The following CACNA1C variants were observed in gnomAD, a reference collection of about 807,000 sequenced individuals.
CACNA1C encodes the protein calcium voltage-gated channel subunit alpha1 C.
Under a neutral mutation model 229.0 loss-of-function variants are expected in CACNA1C, and 30 were observed. That is an observed-to-expected ratio of 0.13 (90% CI 0.10 to 0.18). The LOEUF (loss-of-function observed/expected upper bound fraction) is 0.18, where lower values mean the gene tolerates loss of function less well. CACNA1C is among the 10% of genes least tolerant of loss of function. The probability of loss-of-function intolerance (pLI) is 1.00; values close to 1 mark genes in which losing one functional copy is unlikely to be tolerated. For synonymous variants in CACNA1C, 1,114 were observed against 1,132.5 expected, an observed-to-expected ratio of 0.98 and a Z score of 0.33; for missense variants, 1,658 against 2,845.0, an observed-to-expected ratio of 0.58 and a Z score of 9.49.
chr12:2,633,663 TC>T lies in CACNA1C; in HGVS notation c.3829-632del. The T allele has an allele frequency of 6.2e-7, 1 of 1,611,270 alleles. No homozygotes were observed. The highest frequency in any genetic ancestry group is 8.5e-7 in the Non-Finnish European group (1 of 1,177,416). ...AGTGATCCCTGGAATGTTTTTGACT[TC>T]CTCATCGTAATTGGCAGCATAATTG... On this transcript the variant is annotated intron_variant, in intron 29 of 46. Transcript: ENST00000399655. The surrounding 1 kb of genome is among the most constrained non-coding windows in gnomAD (Gnocchi z 5.8).
chr12:2,230,460 AAG>A (rs1025913952), intron 3 of CACNA1C, among the ~76,000 whole-genome samples: 21 of 152,220 alleles, frequency 1.4e-4, no homozygotes, highest in Admixed American at 2.0e-4. Flanking sequence ...ACCCCTCAGG[AAG>A]AGACTGAGAA....
intron 1 of CACNA1C, among the ~76,000 whole-genome samples, chr12:2,024,863 C>T (rs2047041586): frequency 6.6e-6 from 1 of 152,238 alleles, no homozygotes; most frequent in Admixed American, 6.5e-5. Context: ...CCCATCCCTC[C>T]TCCAAGGAGC....
At chr12:2,154,777 TAGCTGCTTTCTACTGTTTTCTCAC>T (rs2095470603) in intron 3 of CACNA1C, among the ~76,000 whole-genome samples, 1 of 152,220 alleles carries the variant, frequency 6.6e-6, no homozygotes. Context: ...TCGGAGAGTT[TAGCTGCTTTCTACTGTTTTCTCAC>T]AGTTTCGTTT....
chr12:2,053,232 C>T lies in CACNA1C; in HGVS notation c.-331C>T, dbSNP rs912287429. On this transcript the variant is annotated 5_prime_UTR_variant, in exon 1 of 47. Coordinates refer to ENST00000399655, the MANE Select transcript of CACNA1C (RefSeq NM_000719.7). This position sits in a 1 kb window ranked among gnomAD's most constrained non-coding sequence, Gnocchi z 5.8. ...CCCGCCCCTCCTCTCCGCCTCTTCT[C>T]GCCCTGCCTCTCCCGATTTATTTTT... 43 of 1,031,032 alleles carry T rather than the reference C, an allele frequency of 4.2e-5. No homozygotes were observed. Among genetic ancestry groups the T allele is most frequent in the Non-Finnish European group, 4.3e-5 (37 of 859,858 alleles). 63.9% of individuals were successfully genotyped at this position (1,031,032 alleles called of 1,614,324 possible). A position where few individuals can be genotyped will look rare whatever the true frequency, so the allele number is the denominator to read the frequency against.
At chr12:2,429,034 G>A (rs1001843261) in intron 3 of CACNA1C, among the ~76,000 whole-genome samples, 2 of 152,146 alleles carry the variant, frequency 1.3e-5, no homozygotes, top group African/African-American at 2.4e-5. Flanking sequence ...ATTCTCTAGG[G>A]AGAATCTGTT....
intron 9 of CACNA1C, among the ~76,000 whole-genome samples, chr12:2,524,443 G>C (rs1262672357): frequency 3.3e-5 from 5 of 152,220 alleles, no homozygotes; most frequent in African/African-American, 4.8e-5. Context: ...GGAAGAGGGT[G>C]GGAGGGACTG....
chr12:2,635,012 C>A (rs777767500), intron 30 of CACNA1C, among the ~76,000 whole-genome samples: 3 of 152,120 alleles, frequency 2.0e-5, no homozygotes, highest in African/African-American at 7.2e-5. Flanking sequence ...GGAAGAGGAA[C>A]GAGAAGGGGA....
intron 29 of CACNA1C, among the ~76,000 whole-genome samples, chr12:2,631,294 AAAT>A (rs2090294687): frequency 6.6e-6 from 1 of 152,062 alleles, no homozygotes; most frequent in Non-Finnish European, 1.5e-5. Context: ...TCCCACACCG[AAAT>A]AATGTTTTCT....
At chr12:2,591,309 A>G (rs1028563540) in intron 18 of CACNA1C, among the ~76,000 whole-genome samples, 3 of 152,094 alleles carry the variant, frequency 2.0e-5, no homozygotes, top group African/African-American at 7.2e-5. Context: ...GCATCCCATA[A>G]CTATCTTTCT....
At chr12:2,527,985 G>A (rs575289393) in intron 9 of CACNA1C, among the ~76,000 whole-genome samples, 35 of 152,290 alleles carry the variant, frequency 2.3e-4, no homozygotes, top group African/African-American at 7.9e-4. Context: ...TCATGTCCAT[G>A]AATTATAATT....
chr12:2,514,127 C>T (rs1012321895), intron 9 of CACNA1C, among the ~76,000 whole-genome samples: 2 of 152,112 alleles, frequency 1.3e-5, no homozygotes, highest in African/African-American at 4.8e-5. Flanking sequence ...GCATTTGCTG[C>T]GTGGAGTCAT....
chr12:2,430,813 T>C (rs1006101906), intron 3 of CACNA1C, among the ~76,000 whole-genome samples: 5 of 152,112 alleles, frequency 3.3e-5, no homozygotes, highest in Non-Finnish European at 5.9e-5. Flanking sequence ...GCTGGGCCCA[T>C]GGAGCCCAAT....
chr12:2,137,187 G>A (rs2093619773), intron 3 of CACNA1C, among the ~76,000 whole-genome samples: 1 of 151,424 alleles, frequency 6.6e-6, no homozygotes, highest in African/African-American at 2.4e-5. Flanking sequence ...ACACCAGGAT[G>A]TGGGATGGGT....
At chr12:2,453,448 C>G (rs1433932069) in intron 4 of CACNA1C, among the ~76,000 whole-genome samples, 1 of 152,198 alleles carries the variant, frequency 6.6e-6, no homozygotes. Flanking sequence ...TCCCACGCCC[C>G]TCTGTTGAAG....
intron 4 of CACNA1C, among the ~76,000 whole-genome samples, chr12:2,452,962 C>T (rs12297903): frequency 6.6e-6 from 1 of 152,138 alleles, no homozygotes; most frequent in Non-Finnish European, 1.5e-5. Flanking sequence ...CCCACTCCCC[C>T]ATCCTGGCAA....
intron 3 of CACNA1C, among the ~76,000 whole-genome samples, chr12:2,305,206 T>C (rs756477433): frequency 1.1e-4 from 16 of 152,260 alleles, no homozygotes; most frequent in Admixed American, 1.0e-3. Flanking sequence ...TAGCCCTCCC[T>C]GTGCCCAGTA....
intron 10 of CACNA1C, among the ~76,000 whole-genome samples, chr12:2,553,010 A>AT (rs56143649): frequency 0.89 from 135,336 of 152,164 alleles, 60,695 homozygotes; most frequent in Non-Finnish European, 0.95. Flanking sequence ...GAAGAGGAGA[A>AT]GGGCGACAGC....
Position 2,653,940 on chromosome 12 carries a change from C to CT in CACNA1C, c.4140+41dup. ...ACCACGGGGCTCCTGGCCTCCCGCT[C>CT]TGTCTCTCCCCAGTTCCCAGCACCA... On this transcript the variant is annotated intron_variant, in intron 33 of 46. Transcript: ENST00000399655. This position sits in a 1 kb window ranked among gnomAD's most constrained non-coding sequence, Gnocchi z 4.7. The CT allele has an allele frequency of 6.5e-7, 1 of 1,537,320 alleles. No homozygotes were observed. Among genetic ancestry groups the CT allele is most frequent in the Non-Finnish European group, 9.0e-7 (1 of 1,111,378 alleles).
chr12:2,586,590 T>G (rs758002475), intron 18 of CACNA1C, among the ~76,000 whole-genome samples: 1 of 152,232 alleles, frequency 6.6e-6, no homozygotes, highest in African/African-American at 2.4e-5. Flanking sequence ...AGTTTCAAGC[T>G]TGAAGTCAAT....
Sources: allele counts gnomAD v4.1 joint callset (sites outside exome capture counted in the v4.1 genomes callset), GRCh38; gene constraint gnomAD v4.1.1; non-coding constraint Gnocchi (gnomAD v3.1); transcripts MANE v1.5; gene names NCBI Gene and HGNC (gene_info 2026-07-23, HGNC 2026-07-21).